MBD4: variants seen among roughly 807,000 people sequenced by gnomAD.
The protein encoded by MBD4 is methyl-CpG binding domain 4, DNA glycosylase.
MBD4 carries 53 observed loss-of-function variants against 60.2 expected under a neutral mutation model. The ratio of observed to expected loss-of-function variants is 0.88; its 90% CI spans 0.71 to 1.11. The LOEUF (loss-of-function observed/expected upper bound fraction) is 1.11. Among genes scored for constraint, MBD4 ranks in the 50% least tolerant of loss-of-function variants. The pLI is 0.00. For missense variants in MBD4, 619 were observed against 674.0 expected, an observed-to-expected ratio of 0.92 and a Z score of 0.90; for synonymous variants, 231 against 229.8, an observed-to-expected ratio of 1.01 and a Z score of -0.05.
Position 129,437,805 on chromosome 3 carries a change from T to TA in MBD4, c.249dup (p.Lys84Ter), listed in dbSNP as rs765744560. ...CTTTCCCATCCACATGGGACAGACTTACGGCATTCTGTTCCTGCAGTAGCA... is the reference window on the plus strand; with the variant it reads ...CTTTCCCATCCACATGGGACAGACTTAACGGCATTCTGTTCCTGCAGTAGCA... On this transcript the variant is annotated frameshift_variant, in exon 2 of 8. Transcript: ENST00000429544. LOFTEE classifies it high-confidence loss of function. The TA allele has an allele frequency of 4.3e-6, 7 of 1,614,034 alleles. No homozygotes were observed. Among genetic ancestry groups the TA allele is most frequent in the African/African-American group, 1.3e-5 (1 of 74,928 alleles).
chr3:129,431,704 A>G lies in MBD4; in HGVS notation c.1648-126T>C, dbSNP rs577197376. 320 of 735,192 alleles carry G rather than the reference A, an allele frequency of 4.4e-4. 2 individuals carry two copies. Among genetic ancestry groups the G allele is most frequent in the African/African-American group, 4.3e-3 (251 of 57,854 alleles). The allele number at this position is 735,192 out of a possible 1,614,324, so 45.5% of individuals were successfully genotyped here. Reference sequence around the variant, plus strand: ...CATTACGATACCATACCTAAAAGTTATAACCTTTAACCTCCTGGGATTCAT... The same window carrying G: ...CATTACGATACCATACCTAAAAGTTGTAACCTTTAACCTCCTGGGATTCAT... On this transcript the variant is annotated intron_variant, in intron 7 of 7. Coordinates refer to ENST00000429544, the MANE Select transcript of MBD4 (RefSeq NM_001276270.2).
intron 3 of MBD4, among the ~76,000 whole-genome samples, chr3:129,435,993 G>A (rs2072452039): frequency 6.6e-6 from 1 of 152,194 alleles, no homozygotes; most frequent in Non-Finnish European, 1.5e-5. Flanking sequence ...ACACTTAGTA[G>A]TAAGTATCAG....
intron 7 of MBD4, among the ~76,000 whole-genome samples, 161 bp from the exon 8 acceptor site, chr3:129,431,739 A>T (rs1385903076): frequency 5.3e-5 from 8 of 152,226 alleles, no homozygotes; most frequent in Non-Finnish European, 1.5e-5. Flanking sequence ...TGAATATTTT[A>T]AGTTATACCT....
In MBD4 at chr3:129,438,971, C is replaced by T. The variant is rs145356237; in HGVS notation, c.104+759G>A. Among the ~76,000 whole-genome samples the T allele has an allele frequency of 3.5e-4, 53 of 151,972 alleles. 1 individual carries two copies. The East Asian group carries it at 9.8e-3, about 28-fold the overall frequency. On this transcript the variant is annotated intron_variant, in intron 1 of 7. Transcript: ENST00000429544. The stretch of plus-strand genomic sequence containing the variant: ...ACTAAACTAAAACTTCATTAAAGTT[C>T]CAATGTGTCTTCTATGATGAAAACA...
chr3:129,434,988 G>A (rs1485609426), intron 3 of MBD4, among the ~76,000 whole-genome samples: 1 of 152,088 alleles, frequency 6.6e-6, no homozygotes, highest in East Asian at 1.9e-4. Flanking sequence ...ATAATACCTT[G>A]CATTTGTATA....
chr3:129,431,301 T>C lies in MBD4; in HGVS notation c.*200A>G. ...ATTGTTGTCAAATAATAATTTATTT[T>C]AAAAAAATCTCAAAACATGTTCAAA... On this transcript the variant is annotated 3_prime_UTR_variant, in exon 8 of 8. Transcript: ENST00000429544. 1 of 542,928 alleles carries C rather than the reference T, an allele frequency of 1.8e-6. No homozygotes were observed. The highest frequency in any genetic ancestry group is 3.3e-6 in the Non-Finnish European group (1 of 305,980). 33.6% of individuals were successfully genotyped at this position (542,928 alleles called of 1,614,324 possible).
chr3:129,433,687 C>T, intron 5 of MBD4, 163 bp downstream of exon 5: 1 of 733,664 alleles, frequency 1.4e-6, no homozygotes, highest in South Asian at 1.6e-5. Flanking sequence ...TGTTGGATGT[C>T]ATCCAGTCTC....
Position 129,437,749 on chromosome 3 carries a change from T to A in MBD4, c.306A>T (p.Thr102=), listed in dbSNP as rs760404637. Reference sequence around the variant, plus strand: ...TAAAGTACACATCAAATCTTCCTGCTGTCTTCCCAAATAACCTTTGCTTCA... The same window carrying A: ...TAAAGTACACATCAAATCTTCCTGCAGTCTTCCCAAATAACCTTTGCTTCA... The part of the protein sequence containing the change: ...RVVKQRLFGK[T]AGRFDVYFIS... Residue 102 remains threonine (T), a synonymous_variant, in exon 2 of 8, where the codon ACA becomes ACT. Coordinates refer to ENST00000429544, the MANE Select transcript of MBD4 (RefSeq NM_001276270.2). 6.2e-7 allele frequency: 1 copy of A among 1,614,038 alleles called. No individual in the cohort carries two copies. The highest frequency in any genetic ancestry group is 1.1e-5 in the South Asian group (1 of 91,084).
At position 129,437,707 on chromosome 3, in the gene MBD4, C is replaced by G; in HGVS notation, c.335+13G>C. 6.3e-7 allele frequency: 1 copy of G among 1,581,828 alleles called. No individual in the cohort carries two copies. The highest frequency in any genetic ancestry group is 8.7e-7 in the Non-Finnish European group (1 of 1,150,590). On this transcript the variant is annotated intron_variant, in intron 2 of 7. Transcript: ENST00000429544. ...CATTTGGCTGTACTATCTTTACCAT[C>G]TTATATGCTTACCTGATAAAGTACA...
chr3:129,431,374 A>G lies in MBD4; in HGVS notation c.*127T>C, dbSNP rs1451509508. On this transcript the variant is annotated 3_prime_UTR_variant, in exon 8 of 8. Transcript: ENST00000429544. The stretch of plus-strand genomic sequence containing the variant: ...CCATTGGCACACACATTAAGAAAGC[A>G]CACACACTAGGCTTCTAGTTGGGCT... The G allele has an allele frequency of 1.3e-6, 1 of 756,702 alleles. No individual in the cohort carries two copies. The highest frequency in any genetic ancestry group is 2.4e-6 in the Non-Finnish European group (1 of 424,738). The allele number at this position is 756,702 out of a possible 1,614,324, so 46.9% of individuals were successfully genotyped here.
In MBD4 at chr3:129,433,106, T is replaced by G. The variant is rs138445306; in HGVS notation, c.1535A>C (p.Lys512Thr). 1.2e-6 allele frequency: 2 copies of G among 1,614,196 alleles called. No homozygotes were observed. The highest frequency in any genetic ancestry group is 1.1e-5 in the South Asian group (1 of 91,088). Reference sequence around the variant, plus strand: ...GGTGTATAGGAAAATACCTGAGAACTTGACAATGGTTTTTGCCCGAAGATC... The same window carrying G: ...GGTGTATAGGAAAATACCTGAGAACGTGACAATGGTTTTTGCCCGAAGATC... ...LYDLRAKTIV[K>T]FSDEYLTKQW... Residue 512 changes from lysine (K) to threonine (T), a missense_variant, in exon 6 of 8, where the codon AAG (lysine) becomes ACG (threonine). Physicochemically the swap from Lys to Thr is moderately conservative, Grantham distance 78 (BLOSUM62 -1). Transcript: ENST00000429544.
chr3:129,437,651 G>T, intron 2 of MBD4, 69 bp downstream of exon 2: 2 of 1,060,938 alleles, frequency 1.9e-6, no homozygotes, highest in Non-Finnish European at 3.0e-6. Context: ...TAAGATTCCT[G>T]CTATGCTCCC....
At chr3:129,432,093 G>A in intron 7 of MBD4, 2 of 1,058,568 alleles carry the variant, frequency 1.9e-6, no homozygotes, top group Non-Finnish European at 2.4e-6. Context: ...GCTGAAGCAG[G>A]ACCCAGTCAC....
intron 7 of MBD4, chr3:129,432,296 G>A (rs1350402794): frequency 8.8e-6 from 13 of 1,476,866 alleles, no homozygotes; most frequent in East Asian, 2.5e-5. Context: ...CAGAGGCCAC[G>A]CCGCTGGACT....
At chr3:129,434,978 A>G (rs1421274511) in intron 3 of MBD4, among the ~76,000 whole-genome samples, 1 of 152,232 alleles carries the variant, frequency 6.6e-6, no homozygotes, top group Non-Finnish European at 1.5e-5. Context: ...ATATCAGTTA[A>G]TAATACCTTG....
At position 129,431,478 on chromosome 3, in the gene MBD4, G is replaced by T. The variant is rs775045092; in HGVS notation, c.*23C>A. 6.9e-6 allele frequency: 11 copies of T among 1,591,486 alleles called. No homozygotes were observed. The highest frequency in any genetic ancestry group is 9.5e-6 in the Non-Finnish European group (11 of 1,160,420). On this transcript the variant is annotated 3_prime_UTR_variant, in exon 8 of 8. Transcript: ENST00000429544. ...TTGAAGTGCAAAGCTATGCATAACA[G>T]ATGAGCTTGAAAGCTGCAGAGTTTA...
chr3:129,434,178 G>T, intron 3 of MBD4, 42 bp from the exon 4 acceptor site: 1 of 1,492,986 alleles, frequency 6.7e-7, no homozygotes, highest in Non-Finnish European at 9.3e-7. Context: ...CTATGGTTTA[G>T]CTTAAAGCAA....
At position 129,432,451 on chromosome 3, in the gene MBD4, A is replaced by C. The variant is rs372634601; in HGVS notation, c.1647+52T>G. The stretch of plus-strand genomic sequence containing the variant: ...TAGTCTTAACCATAATGGTGGACTT[A>C]TTTTGCCTCAGAGACCAAATGTGCT... On this transcript the variant is annotated intron_variant, in intron 7 of 7. Transcript: ENST00000429544. The C allele has an allele frequency of 1.2e-5, 20 of 1,613,878 alleles. No individual in the cohort carries two copies. The African/African-American group carries it at 2.5e-4, about 20-fold the overall frequency.
intron 3 of MBD4, among the ~76,000 whole-genome samples, chr3:129,435,430 CA>C (rs1271559151): frequency 1.3e-5 from 2 of 151,846 alleles, no homozygotes; most frequent in African/African-American, 4.8e-5. Flanking sequence ...ACTCTTACCA[CA>C]AAAAAAAGTT....
Sources: allele counts gnomAD v4.1 joint callset (sites outside exome capture counted in the v4.1 genomes callset), GRCh38; gene constraint gnomAD v4.1.1; transcripts MANE v1.5; gene names NCBI Gene and HGNC (gene_info 2026-07-23, HGNC 2026-07-21).